The following ROBO1 variants were observed in gnomAD, a reference collection of about 807,000 sequenced individuals.
The protein encoded by ROBO1 is roundabout homolog 1.
A neutral mutation model predicts 195.9 loss-of-function variants in ROBO1; 149 were observed. That is an observed-to-expected ratio of 0.76 (90% CI 0.67 to 0.87). The LOEUF is 0.87. Ranked by LOEUF, ROBO1 falls within the 40% of genes least tolerant of loss-of-function variation. The pLI, the probability that ROBO1 is intolerant of heterozygous loss-of-function variation, is 0.00. For missense variants in ROBO1, 1,933 were observed against 2,068.3 expected (o/e 0.93, Z 1.27); for synonymous variants, 816 against 733.2 (o/e 1.11, Z -1.82).
chr3:79,129,267 G>A (rs1320699960), intron 2 of ROBO1, among the ~76,000 whole-genome samples: 1 of 152,022 alleles, frequency 6.6e-6, no homozygotes, highest in Non-Finnish European at 1.5e-5. Flanking sequence ...AGCATCTGGG[G>A]TTAAAACTGA....
intron 3 of ROBO1, among the ~76,000 whole-genome samples, chr3:78,984,522 A>C (rs2077062570): frequency 6.6e-6 from 1 of 152,186 alleles, no homozygotes; most frequent in Admixed American, 6.5e-5. Flanking sequence ...GAAGCGAAAA[A>C]TGTTATAAAG....
intron 1 of ROBO1, among the ~76,000 whole-genome samples, chr3:79,659,167 G>GT (rs1426088933): frequency 6.6e-6 from 1 of 151,876 alleles, no homozygotes; most frequent in African/African-American, 2.4e-5. Flanking sequence ...TAACCATCCG[G>GT]TTGACTCAAA....
intron 1 of ROBO1, among the ~76,000 whole-genome samples, chr3:79,635,823 T>A (rs986458349): frequency 6.6e-6 from 1 of 152,168 alleles, no homozygotes; most frequent in African/African-American, 2.4e-5. Flanking sequence ...CTTAGTTAGA[T>A]AAACTGTTAT....
intron 3 of ROBO1, among the ~76,000 whole-genome samples, chr3:78,975,243 G>C (rs2076859701): frequency 6.6e-6 from 1 of 152,114 alleles, no homozygotes; most frequent in Non-Finnish European, 1.5e-5. Flanking sequence ...AGCTCTGACA[G>C]TAAAAGCCAG....
intron 2 of ROBO1, among the ~76,000 whole-genome samples, chr3:79,269,019 G>A (rs911213858): frequency 2.0e-5 from 3 of 151,528 alleles, no homozygotes; most frequent in African/African-American, 7.3e-5. Context: ...AGACCAATTC[G>A]CTTTCCAGAG....
At chr3:79,551,865 G>A (rs1010915644) in intron 2 of ROBO1, among the ~76,000 whole-genome samples, 2 of 151,498 alleles carry the variant, frequency 1.3e-5, no homozygotes, top group African/African-American at 4.8e-5. Flanking sequence ...TTATAGGTAA[G>A]TAAACTGAGC....
intron 3 of ROBO1, among the ~76,000 whole-genome samples, chr3:79,059,169 C>T (rs970920470): frequency 6.6e-6 from 1 of 152,156 alleles, no homozygotes; most frequent in Middle Eastern, 3.4e-3. Context: ...TGAGACTGAT[C>T]ATTCATGGGA....
chr3:79,560,107 T>C (rs1448471147), intron 2 of ROBO1, among the ~76,000 whole-genome samples: 2 of 151,968 alleles, frequency 1.3e-5, no homozygotes, highest in Non-Finnish European at 2.9e-5. Context: ...CGTTAAGTGA[T>C]TAATAGAGAA....
chr3:79,537,362 A>G (rs925568125), intron 2 of ROBO1, among the ~76,000 whole-genome samples: 4 of 152,066 alleles, frequency 2.6e-5, no homozygotes, highest in Admixed American at 2.6e-4. Flanking sequence ...GCAGGAAGTT[A>G]CCCTGTGGAT....
At chr3:78,976,184 A>G (rs2076880911) in intron 3 of ROBO1, among the ~76,000 whole-genome samples, 1 of 152,188 alleles carries the variant, frequency 6.6e-6, no homozygotes, top group Non-Finnish European at 1.5e-5. Flanking sequence ...AGAGCAAAGA[A>G]TTAAGGCACA....
intron 2 of ROBO1, among the ~76,000 whole-genome samples, chr3:79,517,935 A>T (rs568058893): frequency 6.6e-6 from 1 of 152,180 alleles, no homozygotes; most frequent in African/African-American, 2.4e-5. Context: ...TCAGGAAAAA[A>T]TCTGGTATTA....
At chr3:79,190,480 T>C (rs1559723956) in intron 2 of ROBO1, among the ~76,000 whole-genome samples, 2 of 151,632 alleles carry the variant, frequency 1.3e-5, no homozygotes, top group Non-Finnish European at 3.0e-5. Context: ...AAATTGAGTA[T>C]TGGAGAGTCG....
At chr3:78,833,036 G>A (rs1297220632) in intron 4 of ROBO1, among the ~76,000 whole-genome samples, 1 of 152,104 alleles carries the variant, frequency 6.6e-6, no homozygotes, top group Admixed American at 6.6e-5. Flanking sequence ...ACTTTATCCT[G>A]TAGGTAATTA....
At chr3:79,026,959 T>C (rs1386856156) in intron 3 of ROBO1, among the ~76,000 whole-genome samples, 1 of 152,092 alleles carries the variant, frequency 6.6e-6, no homozygotes, top group Admixed American at 6.5e-5. Flanking sequence ...ATACATATGT[T>C]GGGATTTATG....
At chr3:79,717,202 A>G (rs1310815092) in intron 1 of ROBO1, among the ~76,000 whole-genome samples, 1 of 136,480 alleles carries the variant, frequency 7.3e-6, no homozygotes, top group Non-Finnish European at 1.5e-5. Context: ...AATCTTCTCA[A>G]TAAAGCTTTT....
chr3:78,602,374 G>A (rs1190495668), intron 29 of ROBO1, among the ~76,000 whole-genome samples: 1 of 152,072 alleles, frequency 6.6e-6, no homozygotes, highest in Non-Finnish European at 1.5e-5. Flanking sequence ...GCTTCCTGAG[G>A]TCTCCTCAGA....
At chr3:78,631,607 A>G (rs1002307441) in intron 24 of ROBO1, among the ~76,000 whole-genome samples, 6 of 152,170 alleles carry the variant, frequency 3.9e-5, no homozygotes, top group African/African-American at 1.4e-4. Flanking sequence ...ATCTCAAACA[A>G]ATGAGCTGTA....
intron 10 of ROBO1, among the ~76,000 whole-genome samples, chr3:78,677,762 C>T (rs1256920270): frequency 2.0e-5 from 3 of 152,238 alleles, no homozygotes; most frequent in East Asian, 1.9e-4. Flanking sequence ...TTAGACAGAT[C>T]GACAAGACAG....
At chr3:79,335,696 G>A (rs1470256723) in intron 2 of ROBO1, among the ~76,000 whole-genome samples, 1 of 152,104 alleles carries the variant, frequency 6.6e-6, no homozygotes, top group Non-Finnish European at 1.5e-5. Flanking sequence ...GGCTAATACA[G>A]TAAATTGGTA....
Sources: gnomAD v4.1 joint callset for allele counts (sites outside exome capture counted in the v4.1 genomes callset) on GRCh38, gnomAD v4.1.1 for gene constraint, MANE v1.5 for transcripts, NCBI Gene and HGNC (gene_info 2026-07-23, HGNC 2026-07-21) for gene names.